The following NBPF8 variants were observed in gnomAD, a reference collection of about 807,000 sequenced individuals.
The protein encoded by NBPF8 is NBPF member 8, also known as NBPF family member NBPF8.
chr1:120,466,380 G>T, exon 25 of NBPF8: 1 of 1,112,490 alleles, frequency 9.0e-7, no homozygotes, highest in African/African-American at 1.6e-5. Context: ...GTGGCAACCT[G>T]TGCTCAGTCT....
chr1:120,449,816 G>A (rs1309590242), intron 11 of NBPF8, among the ~76,000 whole-genome samples: 2 of 152,184 alleles, frequency 1.3e-5, no homozygotes, highest in Non-Finnish European at 2.9e-5. Flanking sequence ...AACAGACAAA[G>A]CTCTGTTCTA....
chr1:120,456,075 G>T (rs1331350698), intron 16 of NBPF8, among the ~76,000 whole-genome samples: 33 of 151,810 alleles, frequency 2.2e-4, no homozygotes, highest in African/African-American at 7.8e-4. Context: ...GTAGTTGTGC[G>T]GTTTTGAGTG....
chr1:120,455,859 T>C (rs1256473559), intron 16 of NBPF8, among the ~76,000 whole-genome samples: 1 of 152,150 alleles, frequency 6.6e-6, no homozygotes, highest in African/African-American at 2.4e-5. Context: ...AATTGTGATG[T>C]TAGGGTGTCA....
downstream of NBPF8, among the ~76,000 whole-genome samples, chr1:120,467,971 T>G (rs1273598051): frequency 2.6e-5 from 4 of 151,950 alleles, no homozygotes; most frequent in Admixed American, 2.6e-4. Flanking sequence ...TGCGTGTGTG[T>G]GTCTGTGTGT....
intron 18 of NBPF8, 114 bp from the exon 17 acceptor site, chr1:120,461,140 G>C (rs1243307328): frequency 3.4e-6 from 2 of 590,734 alleles, no homozygotes; most frequent in African/African-American, 4.0e-5. Flanking sequence ...CCTCATTAAT[G>C]GATCTGTCCT....
upstream of NBPF8, among the ~76,000 whole-genome samples, chr1:120,419,408 A>T (rs1660512331): frequency 6.6e-6 from 1 of 152,034 alleles, no homozygotes; most frequent in Admixed American, 6.6e-5. Flanking sequence ...GAAAGAATCG[A>T]ATTCTTGTTC....
intron 15 of NBPF8, among the ~76,000 whole-genome samples, chr1:120,454,631 A>T (rs1661381678): frequency 6.7e-6 from 1 of 149,094 alleles, no homozygotes; most frequent in Non-Finnish European, 1.5e-5. Context: ...ATTTCCATAA[A>T]GCAAGGCTGG....
rs1661734458 is a variant in NBPF8, at chr1:120,465,966, C to T, written n.3569-12C>T. On this transcript the variant is annotated splice_polypyrimidine_tract_variant and intron_variant and non_coding_transcript_variant, in intron 24 of 24. Transcript: ENST00000583271. ...TCCCTGGCTGCTTCTTTAGTTTTGT[C>T]TCCTTTTCCAGGCTCAACAGCGTGC... 13 of 1,611,776 alleles carry T rather than the reference C, an allele frequency of 8.1e-6. No individual in the cohort carries two copies. Among genetic ancestry groups the T allele is most frequent in the South Asian group, 1.1e-5 (1 of 90,974 alleles).
chr1:120,425,352 TGCTG>T (rs1660693933), intron 1 of NBPF8, among the ~76,000 whole-genome samples: 3 of 152,118 alleles, frequency 2.0e-5, no homozygotes, highest in Non-Finnish European at 2.9e-5. Context: ...AGGTGGGACA[TGCTG>T]GCAGCAATAC....
chr1:120,449,856 G>C (rs186739947), intron 11 of NBPF8, among the ~76,000 whole-genome samples: 10 of 152,180 alleles, frequency 6.6e-5, no homozygotes, highest in Admixed American at 1.3e-4. Context: ...GGTGATAGTA[G>C]CCAGTACCTG....
chr1:120,428,949 G>T (rs1168034093), intron 3 of NBPF8, among the ~76,000 whole-genome samples: 2 of 149,906 alleles, frequency 1.3e-5, no homozygotes, highest in Non-Finnish European at 3.0e-5. Flanking sequence ...CAGACTTGGG[G>T]ATATTAGTGT....
intron 8 of NBPF8, among the ~76,000 whole-genome samples, chr1:120,446,267 T>C (rs1661158961): frequency 1.1e-5 from 1 of 89,562 alleles, no homozygotes; most frequent in Admixed American, 1.2e-4. Flanking sequence ...AAGGTGGTCT[T>C]TGGAGCAAGA....
rs1223426713 is a variant in NBPF8 at position 120,462,072 on chromosome 1, G to A, written n.3010-74G>A. 2.6e-4 allele frequency: 72 copies of A among 280,512 alleles called. 1 individual carries two copies. The African/African-American group carries it at 4.7e-3, about 18-fold the overall frequency. 17.4% of individuals were successfully genotyped at this position (280,512 alleles called of 1,614,324 possible). On this transcript the variant is annotated intron_variant and non_coding_transcript_variant, in intron 19 of 24. Coordinates refer to ENST00000583271, the Ensembl canonical transcript of NBPF8. ...TGAGGAGCCTGAAGTCCCTGTGTGA[G>A]GATTAGACAGTGGATTGTTATGTGT...
chr1:120,450,549 G>C (rs1291000203), intron 11 of NBPF8, among the ~76,000 whole-genome samples: 4 of 152,064 alleles, frequency 2.6e-5, no homozygotes, highest in Non-Finnish European at 4.4e-5. Context: ...ACATTTATTG[G>C]CACACAGTAA....
exon 25 of NBPF8, chr1:120,466,106 A>T: frequency 6.2e-7 from 1 of 1,611,510 alleles, no homozygotes; most frequent in Non-Finnish European, 8.5e-7. Flanking sequence ...AGTGTGTTTT[A>T]CTCATTTGAG....
At chr1:120,463,047 A>G (rs1419816329) in intron 21 of NBPF8, 81 bp downstream of exon 19, 5 of 622,220 alleles carry the variant, frequency 8.0e-6, no homozygotes, top group African/African-American at 7.5e-5. Context: ...AGTGGCCCTT[A>G]CTGACCCGAG....
At chr1:120,462,054 C>T in intron 19 of NBPF8, 92 bp from the exon 18 acceptor site, 1 of 291,984 alleles carries the variant, frequency 3.4e-6, no homozygotes, top group Non-Finnish European at 6.0e-6. Flanking sequence ...TGCTGAGGAG[C>T]CTGAAGTCCC....
exon 1 of NBPF8, chr1:120,436,683 G>A (rs9441106): frequency 4.4e-5 from 63 of 1,443,384 alleles, no homozygotes; most frequent in South Asian, 2.2e-4. Flanking sequence ...CTGGCCAACC[G>A]ACAGAAGAAA....
chr1:120,440,914 TC>T, intron 4 of NBPF8, 100 bp downstream of exon 7: 1 of 81,726 alleles, frequency 1.2e-5, no homozygotes, highest in Non-Finnish European at 2.2e-5. Flanking sequence ...AAAGCCCGCA[TC>T]CCCTTGGCCA....
Sources: allele counts gnomAD v4.1 joint callset (sites outside exome capture counted in the v4.1 genomes callset), GRCh38; gene constraint gnomAD v4.1.1; transcripts MANE v1.5; gene names NCBI Gene and HGNC (gene_info 2026-07-23, HGNC 2026-07-21).